EIF4EBP1: variants seen among roughly 807,000 people sequenced by gnomAD.
The protein encoded by EIF4EBP1 is eukaryotic translation initiation factor 4E-binding protein 1.
A neutral mutation model predicts 9.2 loss-of-function variants in EIF4EBP1; 5 were observed. The observed-to-expected ratio is 0.54, with a 90% CI of 0.28 to 1.14. The LOEUF is 1.14. Among genes scored for constraint, EIF4EBP1 ranks in the 50% most tolerant of loss-of-function variants. EIF4EBP1 has a pLI of 0.09. For synonymous variants in EIF4EBP1, 62 were observed against 67.0 expected (o/e 0.93, Z 0.36); for missense variants, 139 against 169.6 (o/e 0.82, Z 1.00).
chr8:38,059,942 A>G lies in EIF4EBP1; in HGVS notation c.*7A>G, dbSNP rs561472705. On this transcript the variant is annotated 3_prime_UTR_variant, in exon 3 of 3. Transcript: ENST00000338825. ...GTTTGAGATGGACATTTAAAGCACC[A>G]GCCATCGTGTGGAGCACTACCAAGG... The G allele has an allele frequency of 1.1e-5, 17 of 1,614,180 alleles. No individual in the cohort carries two copies. In the South Asian group the frequency reaches 1.9e-4, roughly 18 times the overall value.
chr8:38,056,696 C>T (rs1438613665), intron 1 of EIF4EBP1, among the ~76,000 whole-genome samples: 37 of 149,262 alleles, frequency 2.5e-4, no homozygotes, highest in Admixed American at 2.1e-3. Context: ...AAAGGAGTCT[C>T]GCTCTGTTAC....
At chr8:38,042,739 C>T (rs891595071) in intron 1 of EIF4EBP1, among the ~76,000 whole-genome samples, 7 of 152,114 alleles carry the variant, frequency 4.6e-5, no homozygotes, top group Non-Finnish European at 8.8e-5. Flanking sequence ...AGTTGCATTC[C>T]GAGGTACTGG....
intron 1 of EIF4EBP1, among the ~76,000 whole-genome samples, chr8:38,034,786 C>CA (rs1809276106): frequency 6.6e-6 from 1 of 152,180 alleles, no homozygotes; most frequent in Non-Finnish European, 1.5e-5. Flanking sequence ...ACAGGCAGTG[C>CA]TGGGAAGAAG....
At chr8:38,044,093 C>T (rs1358496860) in intron 1 of EIF4EBP1, among the ~76,000 whole-genome samples, 1 of 152,000 alleles carries the variant, frequency 6.6e-6, no homozygotes, top group Non-Finnish European at 1.5e-5. Flanking sequence ...TGAGCAGAAG[C>T]ATTTGGACCT....
intron 1 of EIF4EBP1, among the ~76,000 whole-genome samples, chr8:38,043,334 A>G (rs1364979000): frequency 6.6e-6 from 1 of 151,920 alleles, no homozygotes; most frequent in East Asian, 1.9e-4. Context: ...AGTCTCTGTC[A>G]AAGCCAATTT....
chr8:38,044,137 C>G (rs1287197363), intron 1 of EIF4EBP1, among the ~76,000 whole-genome samples: 2 of 152,090 alleles, frequency 1.3e-5, no homozygotes, highest in Non-Finnish European at 2.9e-5. Context: ...AATGCTCTCC[C>G]TCTCCCTGGA....
chr8:38,035,773 G>A (rs1433363498), intron 1 of EIF4EBP1, among the ~76,000 whole-genome samples: 2 of 150,006 alleles, frequency 1.3e-5, no homozygotes, highest in Non-Finnish European at 3.0e-5. Context: ...GCAATGGTGC[G>A]ATCTCGGCTC....
intron 1 of EIF4EBP1, among the ~76,000 whole-genome samples, chr8:38,048,749 A>G (rs1478905546): frequency 6.6e-6 from 1 of 152,010 alleles, no homozygotes; most frequent in Non-Finnish European, 1.5e-5. Flanking sequence ...CTGAGGCAGG[A>G]GGATCATTTG....
chr8:38,045,480 G>A (rs966466379), intron 1 of EIF4EBP1, among the ~76,000 whole-genome samples: 24 of 151,906 alleles, frequency 1.6e-4, no homozygotes, highest in African/African-American at 5.3e-4. Flanking sequence ...CGAGGTGGGG[G>A]GATTGCTTGA....
chr8:38,041,590 TCA>T (rs977846433), intron 1 of EIF4EBP1, among the ~76,000 whole-genome samples: 1 of 152,168 alleles, frequency 6.6e-6, no homozygotes, highest in Non-Finnish European at 1.5e-5. Flanking sequence ...CCGACTGGAA[TCA>T]CAACCCTGTG....
chr8:38,053,719 T>C (rs1417244074), intron 1 of EIF4EBP1, among the ~76,000 whole-genome samples: 1 of 152,216 alleles, frequency 6.6e-6, no homozygotes, highest in African/African-American at 2.4e-5. Context: ...TTATTCAGCC[T>C]TCAGCAGGAA....
At chr8:38,046,697 A>G (rs1809453109) in intron 1 of EIF4EBP1, among the ~76,000 whole-genome samples, 1 of 152,204 alleles carries the variant, frequency 6.6e-6, no homozygotes, top group Admixed American at 6.5e-5. Context: ...CATCATCATC[A>G]TCATTGTCGT....
chr8:38,045,944 C>T (rs1341922695), intron 1 of EIF4EBP1, among the ~76,000 whole-genome samples: 2 of 151,862 alleles, frequency 1.3e-5, no homozygotes, highest in Non-Finnish European at 2.9e-5. Context: ...CTTGCTCTGT[C>T]ACCCAAGCTG....
intron 1 of EIF4EBP1, among the ~76,000 whole-genome samples, chr8:38,031,548 T>G (rs1411606011): frequency 6.6e-6 from 1 of 152,126 alleles, no homozygotes; most frequent in East Asian, 1.9e-4. Flanking sequence ...GGCTCTCTCC[T>G]CCCCTCTCAT....
At chr8:38,035,509 C>T (rs1809287108) in intron 1 of EIF4EBP1, among the ~76,000 whole-genome samples, 1 of 152,004 alleles carries the variant, frequency 6.6e-6, no homozygotes, top group Non-Finnish European at 1.5e-5. Context: ...TGAGCCACCA[C>T]ACCCGGCCTT....
rs1456372475 is a variant in EIF4EBP1 at position 38,059,932 on chromosome 8, T to A, written c.354T>A (p.Ile118=). ...GGEESQFEMD[I] is the part of the protein sequence containing the mutation. ...AAGAGTCACAGTTTGAGATGGACAT[T>A]TAAAGCACCAGCCATCGTGTGGAGC... is the stretch of plus-strand genomic sequence containing the variant. Residue 118 remains isoleucine, a synonymous_variant, in exon 3 of 3, where the codon ATT becomes ATA. Transcript: ENST00000338825. The A allele has an allele frequency of 6.2e-7, 1 of 1,614,122 alleles. No homozygotes were observed. The highest frequency in any genetic ancestry group is 8.5e-7 in the Non-Finnish European group (1 of 1,180,042).
chr8:38,056,993 C>T, intron 1 of EIF4EBP1, 88 bp from the exon 2 acceptor site: 1 of 1,402,984 alleles, frequency 7.1e-7, no homozygotes, highest in East Asian at 2.3e-5. Flanking sequence ...AATCTGCTGC[C>T]TCTACTGCAG....
chr8:38,034,454 G>A (rs572787443), intron 1 of EIF4EBP1, among the ~76,000 whole-genome samples: 22 of 152,332 alleles, frequency 1.4e-4, no homozygotes, highest in Admixed American at 5.2e-4. Context: ...GGAGTGTCAT[G>A]TATGAATATT....
chr8:38,033,895 C>T (rs990819723), intron 1 of EIF4EBP1, among the ~76,000 whole-genome samples: 4 of 151,562 alleles, frequency 2.6e-5, no homozygotes, highest in Non-Finnish European at 2.9e-5. Flanking sequence ...TACAGGCGCC[C>T]GCGATCAAGC....
Sources: allele counts gnomAD v4.1 joint callset (sites outside exome capture counted in the v4.1 genomes callset), GRCh38; gene constraint gnomAD v4.1.1; transcripts MANE v1.5; gene names NCBI Gene and HGNC (gene_info 2026-07-23, HGNC 2026-07-21).